The following LONRF2 variants were observed in gnomAD, a reference collection of about 807,000 sequenced individuals.
LONRF2 encodes the protein LON peptidase N-terminal domain and ring finger 2.
Under a neutral mutation model 66.6 loss-of-function variants are expected in LONRF2, and 35 were observed. That is an observed-to-expected ratio of 0.53 (90% CI 0.40 to 0.70). The LOEUF is 0.70. LONRF2 is among the 30% of genes least tolerant of loss of function. The pLI is 0.00. For missense variants in LONRF2, 902 were observed against 1,002.1 expected (o/e 0.90, Z 1.35); for synonymous variants, 417 against 418.1 (o/e 1.00, Z 0.03).
intron 10 of LONRF2, among the ~76,000 whole-genome samples, chr2:100,289,609 T>TA (rs1401553952): frequency 2.0e-5 from 3 of 150,010 alleles, no homozygotes; most frequent in African/African-American, 7.4e-5. Flanking sequence ...TTAATTTTTT[T>TA]ATATTTTTAA....
At position 100,284,308 on chromosome 2, in the gene LONRF2, C is replaced by T. The variant is rs140410536; in HGVS notation, c.2255G>A (p.Arg752Lys). ...SRQELANARE[R>K]NN ...TGACAGAGAGAAAAATCAATTATTT[C>T]TCTCCCTGGCATTAGCCAGCTCTTG... Residue 752 changes from arginine to lysine, a missense_variant, in exon 12 of 12, where the codon AGA becomes AAA. This residue lies in a region of LONRF2 where 317 missense variants were observed against 432.2 expected (regional missense o/e 0.73). Transcript: ENST00000393437. The T allele has an allele frequency of 7.2e-6, 11 of 1,531,390 alleles. No individual in the cohort carries two copies. Among genetic ancestry groups the T allele is most frequent in the Non-Finnish European group, 9.7e-6 (11 of 1,134,104 alleles). The allele number at this position is 1,531,390 out of a possible 1,614,324, so 94.9% of individuals were successfully genotyped here.
In LONRF2 at chr2:100,299,307, T is replaced by C. The variant is rs1412345986; in HGVS notation, c.1280A>G (p.Gln427Arg). The change falls in exon 6 of 12, where the codon CAA (glutamine) becomes CGA (arginine). Residue 427 changes from glutamine to arginine, a missense_variant. Gln to Arg is a conservative substitution (Grantham distance 43). Coordinates refer to ENST00000393437, the MANE Select transcript of LONRF2 (RefSeq NM_198461.4). ...TTCTGTCTCAGAGTTTGGGCTCCTT[T>C]GAAGTGAGAGATCTGAATGCGAAAA... The part of the protein sequence containing the change: ...GKIPKKDLSL[Q>R]RSPNSETEES... 2.5e-6 allele frequency: 4 copies of C among 1,576,200 alleles called. No individual in the cohort carries two copies. In the African/African-American group the frequency reaches 4.1e-5, roughly 16 times the overall value.
At position 100,315,272 on chromosome 2, in the gene LONRF2, T is replaced by C. The variant is rs544693216; in HGVS notation, c.680-6047A>G. ...CTATTTGTTTTTTCTAAGTATATAG[T>C]TATGTTTGATAACCTCTATATTGAC... On this transcript the variant is annotated intron_variant, in intron 1 of 11. Coordinates refer to ENST00000393437, the MANE Select transcript of LONRF2 (RefSeq NM_198461.4). Among the ~76,000 whole-genome samples, 6 of 150,898 alleles carry C rather than the reference T, an allele frequency of 4.0e-5. No homozygotes were observed. The South Asian group carries it at 1.2e-3, about 31-fold the overall frequency.
chr2:100,293,228 G>A (rs1431047204), intron 9 of LONRF2, among the ~76,000 whole-genome samples: 2 of 152,104 alleles, frequency 1.3e-5, no homozygotes, highest in Non-Finnish European at 1.5e-5. Flanking sequence ...GTGCACCAAC[G>A]GACATGGCAT....
intron 7 of LONRF2, among the ~76,000 whole-genome samples, chr2:100,297,005 T>C (rs1475216128): frequency 6.6e-6 from 1 of 152,220 alleles, no homozygotes; most frequent in Non-Finnish European, 1.5e-5. Context: ...ATGTATAGTT[T>C]GCATGTAATC....
chr2:100,314,709 A>C (rs532600161), intron 1 of LONRF2, among the ~76,000 whole-genome samples: 43 of 152,308 alleles, frequency 2.8e-4, no homozygotes, highest in African/African-American at 1.0e-3. Flanking sequence ...GATGTGAGAT[A>C]GGTATTCAGG....
rs1559172213 is a variant in LONRF2 at position 100,278,053 on chromosome 2, CCA to C, written c.*6243_*6244del. 2 of 152,156 alleles carry C rather than the reference CCA, an allele frequency of 1.3e-5. No homozygotes were observed. The highest frequency in any genetic ancestry group is 2.9e-5 in the Non-Finnish European group (2 of 68,042). 9.4% of individuals were successfully genotyped at this position (152,156 alleles called of 1,614,324 possible). On this transcript the variant is annotated 3_prime_UTR_variant, in exon 12 of 12. Transcript: ENST00000393437. ...ACAACTTCCACAGCCCTGATAGGTTCCACACAATCGGTTTCACGAAGACACAC... is the reference window on the plus strand; with the variant it reads ...ACAACTTCCACAGCCCTGATAGGTTCCACAATCGGTTTCACGAAGACACAC...
intron 9 of LONRF2, among the ~76,000 whole-genome samples, chr2:100,291,253 A>G (rs1413086269): frequency 6.6e-6 from 1 of 152,128 alleles, no homozygotes; most frequent in African/African-American, 2.4e-5. Flanking sequence ...CTGCACTCAC[A>G]AAGGGAGTTT....
intron 2 of LONRF2, 55 bp downstream of exon 2, chr2:100,309,052 A>T: frequency 8.2e-7 from 1 of 1,221,496 alleles, no homozygotes; most frequent in South Asian, 1.5e-5. Flanking sequence ...TTTGTTTTTA[A>T]GAAAATCATA....
At chr2:100,300,305 G>T (rs898910002) in intron 4 of LONRF2, among the ~76,000 whole-genome samples, 2 of 151,832 alleles carry the variant, frequency 1.3e-5, no homozygotes, top group Admixed American at 6.6e-5. Flanking sequence ...CAACGTGCAG[G>T]TTTGTTACAT....
chr2:100,300,065 T>C, intron 4 of LONRF2, 147 bp from the exon 5 acceptor site: 1 of 601,848 alleles, frequency 1.7e-6, no homozygotes, highest in Non-Finnish European at 2.9e-6. Flanking sequence ...ATCTGTTAAT[T>C]TCTAAGATGA....
rs1674775558 is a variant in LONRF2, at chr2:100,283,198, T to TAA, written c.*1099_*1100insTT. On this transcript the variant is annotated 3_prime_UTR_variant, in exon 12 of 12. Transcript: ENST00000393437. ...CTTTAACAGATAACACCTGGTCTGA[T>TAA]CACCGTAAAACTTTCTTTCAAAAAA... The TAA allele has an allele frequency of 6.6e-6, 1 of 152,192 alleles. No individual in the cohort carries two copies. Among genetic ancestry groups the TAA allele is most frequent in the African/African-American group, 2.4e-5 (1 of 41,438 alleles). The allele number at this position is 152,192 out of a possible 1,614,324, so 9.4% of individuals were successfully genotyped here.
Position 100,280,890 on chromosome 2 carries a change from T to C in LONRF2, c.*3408A>G, listed in dbSNP as rs1674704661. 1 of 152,244 alleles carries C rather than the reference T, an allele frequency of 6.6e-6. No homozygotes were observed. Among genetic ancestry groups the C allele is most frequent in the Admixed American group, 6.5e-5 (1 of 15,286 alleles). The allele number at this position is 152,244 out of a possible 1,614,324, so 9.4% of individuals were successfully genotyped here. ...CTAAAAGAAATCACCCACATTTATT[T>C]TCTTCTAATTTGCTATCACCTTTCT... On this transcript the variant is annotated 3_prime_UTR_variant, in exon 12 of 12. Transcript: ENST00000393437.
chr2:100,317,926 TTTTGTG>T (rs1437245732), intron 1 of LONRF2, among the ~76,000 whole-genome samples: 2 of 152,212 alleles, frequency 1.3e-5, no homozygotes, highest in African/African-American at 4.8e-5. Context: ...CTTGGATGGG[TTTTGTG>T]TGTATGTTTG....
At chr2:100,312,367 G>A (rs1675426904) in intron 1 of LONRF2, among the ~76,000 whole-genome samples, 2 of 151,794 alleles carry the variant, frequency 1.3e-5, no homozygotes, top group Admixed American at 1.3e-4. Context: ...TCAAATATTT[G>A]TCCCTTAATG....
intron 7 of LONRF2, among the ~76,000 whole-genome samples, 163 bp downstream of exon 7, chr2:100,298,673 G>A (rs1675118973): frequency 6.6e-6 from 1 of 152,154 alleles, no homozygotes; most frequent in Admixed American, 6.5e-5. Flanking sequence ...CCTTCCTTGT[G>A]TATTTCTTGA....
intron 1 of LONRF2, among the ~76,000 whole-genome samples, chr2:100,317,501 T>C (rs1324176818): frequency 6.6e-6 from 1 of 152,202 alleles, no homozygotes; most frequent in Non-Finnish European, 1.5e-5. Context: ...GACATTATTA[T>C]TGTTATTTGA....
In LONRF2 at chr2:100,322,328, G is replaced by C. The variant is rs1204786864; in HGVS notation, c.-235C>G. On this transcript the variant is annotated 5_prime_UTR_variant, in exon 1 of 12. Transcript: ENST00000393437. ...CCCCGCAGGGCTGCAATCGTTCCGG[G>C]GTGGGGGCCGGGACAGGCACCGCGG... The C allele has an allele frequency of 9.0e-6, 3 of 332,214 alleles. No individual in the cohort carries two copies. Among genetic ancestry groups the C allele is most frequent in the Non-Finnish European group, 1.6e-5 (3 of 189,180 alleles). 20.6% of individuals were successfully genotyped at this position (332,214 alleles called of 1,614,324 possible). A position where few individuals can be genotyped will look rare whatever the true frequency, so the allele number is the denominator to read the frequency against.
At chr2:100,302,232 G>A (rs534803323) in intron 3 of LONRF2, among the ~76,000 whole-genome samples, 1 of 152,316 alleles carries the variant, frequency 6.6e-6, no homozygotes, top group South Asian at 2.1e-4. Context: ...GTGACATTAA[G>A]GCAAAGATAA....
Sources: allele counts gnomAD v4.1 joint callset (sites outside exome capture counted in the v4.1 genomes callset), GRCh38; gene constraint gnomAD v4.1.1; regional missense constraint gnomAD v4.1.1; transcripts MANE v1.5; gene names NCBI Gene and HGNC (gene_info 2026-07-23, HGNC 2026-07-21).